The following BMAL2 variants were observed in gnomAD, a reference collection of about 807,000 sequenced individuals.
The protein encoded by BMAL2 is basic helix-loop-helix ARNT-like protein 2.
the BMAL2 span, among the ~76,000 whole-genome samples, chr12:27,385,934 T>G: frequency 6.6e-6 from 1 of 152,118 alleles, no homozygotes; most frequent in Non-Finnish European, 1.5e-5. Context: ...ACTGCTTACT[T>G]AGAGTTGTTA....
chr12:27,397,946 G>A, the BMAL2 span, among the ~76,000 whole-genome samples: 5 of 152,200 alleles, frequency 3.3e-5, no homozygotes, highest in African/African-American at 4.8e-5. Flanking sequence ...CCACTACTGC[G>A]GACAGGGCAT....
the BMAL2 span, among the ~76,000 whole-genome samples, chr12:27,350,608 T>C: frequency 7.2e-5 from 11 of 152,262 alleles, no homozygotes; most frequent in African/African-American, 1.4e-4. Flanking sequence ...GCTCTTGGAA[T>C]AGTGATATAA....
the BMAL2 span, chr12:27,370,125 C>G: frequency 6.2e-7 from 1 of 1,611,266 alleles, no homozygotes; most frequent in African/African-American, 1.3e-5. Flanking sequence ...CTCCTTCCTT[C>G]CAGGTCAGGA....
At chr12:27,401,123 C>G in the BMAL2 span, 2 of 709,710 alleles carry the variant, frequency 2.8e-6, no homozygotes, top group Non-Finnish European at 2.4e-6. Context: ...CCGAGGGGAG[C>G]CCAGTGATAT....
the BMAL2 span, among the ~76,000 whole-genome samples, chr12:27,388,103 G>GCACACA: frequency 6.7e-6 from 1 of 148,266 alleles, no homozygotes; most frequent in Non-Finnish European, 1.5e-5. Flanking sequence ...ACACATGCAC[G>GCACACA]CACACACACA....
At chr12:27,400,383 C>A in the BMAL2 span, 2 of 625,002 alleles carry the variant, frequency 3.2e-6, no homozygotes, top group Non-Finnish European at 4.9e-6. Flanking sequence ...TTGGTGATAT[C>A]TTTTCAATGG....
At chr12:27,343,004 A>G in the BMAL2 span, among the ~76,000 whole-genome samples, 1 of 152,240 alleles carries the variant, frequency 6.6e-6, no homozygotes. Flanking sequence ...TTCGCACCTC[A>G]AAGTTTAGAA....
the BMAL2 span, among the ~76,000 whole-genome samples, chr12:27,394,931 A>G: frequency 6.6e-6 from 1 of 152,242 alleles, no homozygotes; most frequent in African/African-American, 2.4e-5. Context: ...CAAGCCAGAA[A>G]GACAGCCCTC....
chr12:27,391,101 A>T, the BMAL2 span, among the ~76,000 whole-genome samples: 2 of 152,124 alleles, frequency 1.3e-5, no homozygotes, highest in African/African-American at 4.8e-5. Context: ...AGATACAGGG[A>T]CTACATGTGC....
chr12:27,381,298 T>C, the BMAL2 span, among the ~76,000 whole-genome samples: 1 of 152,210 alleles, frequency 6.6e-6, no homozygotes, highest in Non-Finnish European at 1.5e-5. Flanking sequence ...AGTCCATTCT[T>C]GCATTGCTAT....
At chr12:27,335,223 T>C in the BMAL2 span, among the ~76,000 whole-genome samples, 1 of 152,198 alleles carries the variant, frequency 6.6e-6, no homozygotes, top group African/African-American at 2.4e-5. Flanking sequence ...TTTGTTTTGT[T>C]TTGTGTTTTT....
chr12:27,367,242 A>G, the BMAL2 span, among the ~76,000 whole-genome samples: 1 of 146,824 alleles, frequency 6.8e-6, no homozygotes, highest in Non-Finnish European at 1.5e-5. Flanking sequence ...CGAACCAGCT[A>G]CTAAGTGACT....
At chr12:27,396,780 C>A in the BMAL2 span, among the ~76,000 whole-genome samples, 11 of 152,184 alleles carry the variant, frequency 7.2e-5, no homozygotes, top group Non-Finnish European at 1.3e-4. Flanking sequence ...AATGCACAGG[C>A]CTAAGCAATG....
the BMAL2 span, among the ~76,000 whole-genome samples, chr12:27,349,600 C>T: frequency 6.6e-6 from 1 of 152,260 alleles, no homozygotes; most frequent in South Asian, 2.1e-4. Context: ...TGGAAAGGCA[C>T]ACTAGTGTCT....
the BMAL2 span, among the ~76,000 whole-genome samples, chr12:27,359,896 T>G: frequency 2.0e-5 from 3 of 150,820 alleles, no homozygotes; most frequent in African/African-American, 7.3e-5. Context: ...AGCAATAAAT[T>G]CAAGCAAATT....
At chr12:27,395,142 C>T in the BMAL2 span, among the ~76,000 whole-genome samples, 1 of 152,188 alleles carries the variant, frequency 6.6e-6, no homozygotes, top group Admixed American at 6.5e-5. Context: ...CCCTGAGAAC[C>T]AAAGGAATCT....
chr12:27,340,340 C>T, the BMAL2 span, among the ~76,000 whole-genome samples: 2 of 152,134 alleles, frequency 1.3e-5, no homozygotes, highest in African/African-American at 2.4e-5. Flanking sequence ...TATCCCAGCA[C>T]CATTTATTGA....
At chr12:27,338,441 G>A in the BMAL2 span, among the ~76,000 whole-genome samples, 1 of 151,564 alleles carries the variant, frequency 6.6e-6, no homozygotes, top group African/African-American at 2.4e-5. Flanking sequence ...TTTTAGTATC[G>A]ATGGAAAGAC....
the BMAL2 span, among the ~76,000 whole-genome samples, chr12:27,345,988 T>C: frequency 6.6e-6 from 1 of 152,226 alleles, no homozygotes; most frequent in African/African-American, 2.4e-5. Context: ...AATCAAATAA[T>C]AGATTAAAAA....
Sources: gnomAD v4.1 joint callset for allele counts (sites outside exome capture counted in the v4.1 genomes callset) on GRCh38, gnomAD v4.1.1 for gene constraint, MANE v1.5 for transcripts, NCBI Gene and HGNC (gene_info 2026-07-23, HGNC 2026-07-21) for gene names.